Variants in ABCA10 observed in about 807,000 individuals in gnomAD.
ABCA10 encodes ATP binding cassette subfamily A member 10.
In ABCA10, 169 loss-of-function variants were observed where a neutral mutation model predicts 187.5. That is an observed-to-expected ratio of 0.90 (90% CI 0.80 to 1.02). ABCA10 has a LOEUF of 1.02. Ranked by LOEUF, ABCA10 falls within the 50% of genes least tolerant of loss-of-function variation. The pLI is 0.00. For synonymous variants in ABCA10, 574 were observed against 601.8 expected, an observed-to-expected ratio of 0.95 and a Z score of 0.68; for missense variants, 1,727 against 1,812.4, an observed-to-expected ratio of 0.95 and a Z score of 0.86.
intron 9 of ABCA10, among the ~76,000 whole-genome samples, chr17:69,206,139 C>G (rs887960054): frequency 6.7e-6 from 1 of 149,684 alleles, no homozygotes; most frequent in Non-Finnish European, 1.5e-5. Context: ...GCTTAAAAAC[C>G]CATCATCATG....
intron 9 of ABCA10, among the ~76,000 whole-genome samples, chr17:69,212,544 G>T (rs568536639): frequency 1.3e-5 from 2 of 152,264 alleles, no homozygotes; most frequent in South Asian, 4.1e-4. Context: ...CCTGTTCAGT[G>T]CTGTCAGTGG....
rs2074414185 is a variant in ABCA10, at chr17:69,185,494, A to G, written c.2480T>C (p.Leu827Ser). The G allele has an allele frequency of 6.2e-7, 1 of 1,612,926 alleles. No homozygotes were observed. The highest frequency in any genetic ancestry group is 1.7e-5 in the Admixed American group (1 of 59,812). Residue 827 changes from leucine to serine, a missense_variant, in exon 20 of 39, where the codon TTA (leucine) becomes TCA (serine). Physicochemically the swap from Leu to Ser is moderately radical, Grantham distance 145. Coordinates refer to ENST00000690296, the MANE Select transcript of ABCA10 (RefSeq NM_001377321.1). ...QIPKTPLTSL[L>S]IVNNTGSNIE... ...TTTCTCACCTGTATTATTAACGATT[A>G]ACAGGCTGGTAAGAGGCGTCTTCGG...
rs775580271 is a variant in ABCA10 at position 69,222,517 on chromosome 17, G to GT, written c.199+15dup. 8.6e-6 allele frequency: 13 copies of GT among 1,517,298 alleles called. No homozygotes were observed. In the African/African-American group the frequency reaches 1.0e-4, roughly 12 times the overall value. The allele number at this position is 1,517,298 out of a possible 1,614,324, so 94.0% of individuals were successfully genotyped here. On this transcript the variant is annotated intron_variant, in intron 4 of 38. Transcript: ENST00000690296. Reference sequence around the variant, plus strand: ...AAGTATCAAAAAAAAATTATAATCAGTTTTTTTATAGTTACCTGTGTATTC... The same window carrying GT: ...AAGTATCAAAAAAAAATTATAATCAGTTTTTTTTATAGTTACCTGTGTATTC...
At chr17:69,200,264 G>A (rs1219992877) in intron 10 of ABCA10, among the ~76,000 whole-genome samples, 1 of 152,126 alleles carries the variant, frequency 6.6e-6, no homozygotes, top group African/African-American at 2.4e-5. Flanking sequence ...ATGACAAATT[G>A]TGTATTATTG....
At chr17:69,201,385 G>A (rs2074543028) in intron 10 of ABCA10, 115 bp downstream of exon 10, 3 of 962,824 alleles carry the variant, frequency 3.1e-6, no homozygotes, top group East Asian at 2.9e-5. Context: ...TTAGGATGAT[G>A]GCAGAGAAAT....
At chr17:69,170,243 G>A (rs543530518) in intron 25 of ABCA10, among the ~76,000 whole-genome samples, 8 of 149,334 alleles carry the variant, frequency 5.4e-5, no homozygotes, top group East Asian at 3.9e-4. Context: ...AGCCAAGATC[G>A]CCCCACTGCA....
At chr17:69,206,518 A>G (rs2074592939) in intron 9 of ABCA10, among the ~76,000 whole-genome samples, 1 of 152,216 alleles carries the variant, frequency 6.6e-6, no homozygotes, top group Non-Finnish European at 1.5e-5. Context: ...CAGTTTTACA[A>G]TACCTGTGCC....
chr17:69,224,679 G>A (rs1332435362), intron 3 of ABCA10, among the ~76,000 whole-genome samples: 10 of 123,986 alleles, frequency 8.1e-5, no homozygotes, highest in African/African-American at 2.6e-4. Flanking sequence ...TGCAGAAAAA[G>A]TCTTATGGGA....
chr17:69,181,883 A>G (rs1450530732), intron 22 of ABCA10, among the ~76,000 whole-genome samples: 1 of 151,404 alleles, frequency 6.6e-6, no homozygotes, highest in Non-Finnish European at 1.5e-5. Context: ...TTAAATGTGT[A>G]TATATATTTA....
chr17:69,158,885 G>C (rs2074194389), intron 27 of ABCA10, among the ~76,000 whole-genome samples: 1 of 151,898 alleles, frequency 6.6e-6, no homozygotes, highest in South Asian at 2.1e-4. Flanking sequence ...ATAGATATAA[G>C]CAAATTTAAT....
chr17:69,182,242 G>A lies in ABCA10; in HGVS notation c.2680C>T (p.Pro894Ser), dbSNP rs763677848. The change falls in exon 22 of 39, where the codon CCT (proline) becomes TCT (serine). Residue 894 changes from proline (P) to serine (S), a missense_variant. Coordinates refer to ENST00000690296, the MANE Select transcript of ABCA10 (RefSeq NM_001377321.1). ...ACNTKKLNCFPVLMGIVSNAL... is the reference protein window; with the variant it reads ...ACNTKKLNCFSVLMGIVSNAL... ...TTGCTAACAATTCCCATAAGAACAG[G>A]AAAACAATTCAATTTCTTGGTATTA... 1.8e-5 allele frequency: 29 copies of A among 1,589,862 alleles called. No homozygotes were observed. The highest frequency in any genetic ancestry group is 2.4e-5 in the Non-Finnish European group (28 of 1,167,302).
Position 69,156,917 on chromosome 17 carries a change from G to A in ABCA10, c.3370C>T (p.Leu1124Phe). 1 of 1,570,402 alleles carries A rather than the reference G, an allele frequency of 6.4e-7. No individual in the cohort carries two copies. Among genetic ancestry groups the A allele is most frequent in the East Asian group, 2.4e-5 (1 of 42,544 alleles). The change falls in exon 28 of 39, where the codon CTT (leucine) becomes TTT (phenylalanine). Residue 1124 changes from leucine to phenylalanine, a missense_variant. Physicochemically the swap from Leu to Phe is conservative, Grantham distance 22 (BLOSUM62 0). Coordinates refer to ENST00000690296, the MANE Select transcript of ABCA10 (RefSeq NM_001377321.1). The stretch of plus-strand genomic sequence containing the variant: ...ACAAAAAGGAAAATAACACTCTGAA[G>A]GTATGGCTAAAAGAAAAGAAAAATA... ...TILLTTLIPY[L>F]QSVIFLFVIR...
intron 28 of ABCA10, 118 bp from the exon 29 acceptor site, chr17:69,156,043 T>C: frequency 8.4e-7 from 1 of 1,193,682 alleles, no homozygotes; most frequent in Non-Finnish European, 1.1e-6. Context: ...CATCATTAAT[T>C]TATTACCTAC....
chr17:69,188,904 T>C (rs1209041658), intron 18 of ABCA10, among the ~76,000 whole-genome samples: 2 of 152,182 alleles, frequency 1.3e-5, no homozygotes, highest in African/African-American at 2.4e-5. Flanking sequence ...ATAGTGTACA[T>C]GTAACACCTT....
intron 25 of ABCA10, among the ~76,000 whole-genome samples, chr17:69,165,749 T>C (rs921109879): frequency 3.9e-5 from 6 of 152,098 alleles, no homozygotes. Flanking sequence ...TTTTTTTCAA[T>C]AAATATGTTA....
chr17:69,225,354 T>C lies in ABCA10; in HGVS notation c.5A>G (p.Asn2Ser), dbSNP rs774995396. Residue 2 changes from asparagine to serine, a missense_variant, in exon 3 of 39, where the codon AAT becomes AGT. By Grantham distance (46) the Asn-to-Ser change is conservative. Coordinates refer to ENST00000690296, the MANE Select transcript of ABCA10 (RefSeq NM_001377321.1). ...CATAAAGGAAGCCAAGGCCATCTTA[T>C]TCATTATCCTTTGTGTTATGTTACT... Reference protein sequence around the residue: MNKMALASFMKG... With the variant: MSKMALASFMKG... 2 of 1,613,208 alleles carry C rather than the reference T, an allele frequency of 1.2e-6. No individual in the cohort carries two copies. The highest frequency in any genetic ancestry group is 1.3e-5 in the African/African-American group (1 of 74,862).
At chr17:69,203,439 G>A (rs1017842188) in intron 9 of ABCA10, among the ~76,000 whole-genome samples, 1 of 152,150 alleles carries the variant, frequency 6.6e-6, no homozygotes, top group African/African-American at 2.4e-5. Context: ...CTCACCCCTA[G>A]TAGCCAAAGC....
chr17:69,167,583 A>G (rs2074262647), intron 25 of ABCA10, among the ~76,000 whole-genome samples: 2 of 152,214 alleles, frequency 1.3e-5, no homozygotes, highest in Non-Finnish European at 2.9e-5. Flanking sequence ...GAGAAATTCA[A>G]TAACTAATAG....
At position 69,193,198 on chromosome 17, in the gene ABCA10, G is replaced by A. The variant is rs765436692; in HGVS notation, c.1692C>T (p.His564=). 3.5e-5 allele frequency: 57 copies of A among 1,613,978 alleles called. No individual in the cohort carries two copies. The highest frequency in any genetic ancestry group is 3.1e-5 in the Non-Finnish European group (37 of 1,180,014). ...PTAGLDPFSR[H]RVWSLLKEHK... ...GCTCCTTCAGGAGGCTCCACACTCGGTGTCTTGAAAAGGGATCCAATCCAG... is the reference window on the plus strand; with the variant it reads ...GCTCCTTCAGGAGGCTCCACACTCGATGTCTTGAAAAGGGATCCAATCCAG... The change falls in exon 15 of 39, where the codon CAC becomes CAT. Residue 564 remains histidine (H), a synonymous_variant. Transcript: ENST00000690296.
Sources: allele counts gnomAD v4.1 joint callset (sites outside exome capture counted in the v4.1 genomes callset), GRCh38; gene constraint gnomAD v4.1.1; transcripts MANE v1.5; gene names NCBI Gene and HGNC (gene_info 2026-07-23, HGNC 2026-07-21).